The following RAD51B variants were observed in gnomAD, a reference collection of about 807,000 sequenced individuals.
The protein encoded by RAD51B is DNA repair protein RAD51 homolog 2.
Under a neutral mutation model 42.2 loss-of-function variants are expected in RAD51B, and 38 were observed. The ratio of observed to expected loss-of-function variants is 0.90; its 90% CI spans 0.70 to 1.18. The LOEUF (loss-of-function observed/expected upper bound fraction) is 1.18, where lower values mean the gene tolerates loss of function less well. RAD51B is among the 50% of genes most tolerant of loss of function. RAD51B has a pLI of 0.00. For missense variants in RAD51B, 373 were observed against 400.7 expected (o/e 0.93, Z 0.59); for synonymous variants, 154 against 145.2 (o/e 1.06, Z -0.43).
chr14:68,393,690 C>T (rs1405613306), intron 8 of RAD51B, among the ~76,000 whole-genome samples: 6 of 152,172 alleles, frequency 3.9e-5, no homozygotes, highest in Non-Finnish European at 8.8e-5. Flanking sequence ...CAGTGCAAAA[C>T]GTGGGGCTTG....
chr14:68,011,711 A>T (rs2075686076), intron 7 of RAD51B, among the ~76,000 whole-genome samples: 1 of 152,012 alleles, frequency 6.6e-6, no homozygotes, highest in Admixed American at 6.6e-5. Context: ...TTTTGTTCTG[A>T]TTAAGAAGTT....
rs1241253350 is a variant in RAD51B, at chr14:68,471,316, C to CA, written c.1036+3067dup. 1.4e-4 allele frequency among the ~76,000 whole-genome samples: 21 copies of CA among 152,320 alleles called. 1 individual carries two copies. In the South Asian group the frequency reaches 4.3e-3, roughly 32 times the overall value. The stretch of plus-strand genomic sequence containing the variant: ...CCCGTGGGGGTAGGGAATGATCCCT[C>CA]AGTGCCTTTTATCCCTTGGCAAGCC... On this transcript the variant is annotated intron_variant, in intron 10 of 10. Transcript: ENST00000471583.
chr14:67,984,502 TC>T (rs772732418), intron 7 of RAD51B, among the ~76,000 whole-genome samples: 6 of 152,234 alleles, frequency 3.9e-5, no homozygotes, highest in Non-Finnish European at 8.8e-5. Context: ...CACTGAGCTG[TC>T]CTTTAATCCT....
Position 68,565,450 on chromosome 14 carries a change from C to A in RAD51B, c.1037-29035C>A, listed in dbSNP as rs1170692270. Among the ~76,000 whole-genome samples, 1 of 152,074 alleles carries A rather than the reference C, an allele frequency of 6.6e-6. No homozygotes were observed. The highest frequency in any genetic ancestry group is 2.4e-5 in the African/African-American group (1 of 41,402). Reference sequence around the variant, plus strand: ...AAGCCTTTCTGTTTGGAGTTTTGCACAGCCCTTTAAGAGGAGACTTCAGAG... The same window carrying A: ...AAGCCTTTCTGTTTGGAGTTTTGCAAAGCCCTTTAAGAGGAGACTTCAGAG... On this transcript the variant is annotated intron_variant, in intron 10 of 10. Coordinates refer to the RAD51B transcript ENST00000487270. The surrounding 1 kb of genome is among the most constrained non-coding windows in gnomAD (Gnocchi z 4.1).
intron 10 of RAD51B, among the ~76,000 whole-genome samples, chr14:68,587,024 C>CAA (rs112951347): frequency 1.2e-4 from 17 of 140,516 alleles, no homozygotes; most frequent in East Asian, 4.2e-4. Context: ...AACTCTGTCT[C>CAA]AAAAAAAAAA....
intron 7 of RAD51B, among the ~76,000 whole-genome samples, chr14:68,239,391 G>A (rs2080335319): frequency 6.6e-6 from 1 of 152,130 alleles, no homozygotes; most frequent in South Asian, 2.1e-4. Context: ...CCTGCTTTCT[G>A]CCTGACATGG....
chr14:68,094,319 C>T (rs985753959), intron 7 of RAD51B, among the ~76,000 whole-genome samples: 9 of 152,152 alleles, frequency 5.9e-5, no homozygotes, highest in Non-Finnish European at 1.2e-4. Flanking sequence ...ATCTTGTGGT[C>T]ACCTTTGGTT....
intron 7 of RAD51B, among the ~76,000 whole-genome samples, chr14:68,079,752 C>T (rs528420078): frequency 2.1e-4 from 32 of 152,290 alleles, no homozygotes; most frequent in African/African-American, 7.2e-4. Flanking sequence ...GGATATTAGA[C>T]TACATATGTG....
intron 7 of RAD51B, among the ~76,000 whole-genome samples, chr14:68,183,233 C>T (rs1213400885): frequency 3.3e-5 from 5 of 152,184 alleles, no homozygotes; most frequent in African/African-American, 4.8e-5. Context: ...GGGAAACCAA[C>T]AGTGCAGCTT....
intron 8 of RAD51B, among the ~76,000 whole-genome samples, chr14:68,294,469 A>T (rs1053670729): frequency 5.9e-5 from 9 of 152,254 alleles, no homozygotes; most frequent in Non-Finnish European, 1.2e-4. Context: ...ACACACAGAC[A>T]TGCACACGCA....
intron 10 of RAD51B, among the ~76,000 whole-genome samples, chr14:68,504,658 CTTTCTTTTTT>C (rs1885161136): frequency 5.2e-5 from 4 of 77,636 alleles, no homozygotes; most frequent in African/African-American, 2.0e-4. Context: ...CTTTTTTTTT[CTTTCTTTTTT>C]TTTTTTTTTT....
intron 10 of RAD51B, among the ~76,000 whole-genome samples, chr14:68,648,018 T>TATATATATATATATAC (rs1255738507): frequency 2.2e-5 from 2 of 91,218 alleles, no homozygotes; most frequent in African/African-American, 8.9e-5. Flanking sequence ...TATATATATA[T>TATATATATATATATAC]ATACGTATAT....
intron 7 of RAD51B, among the ~76,000 whole-genome samples, chr14:67,966,278 T>C (rs1291078135): frequency 6.6e-6 from 1 of 152,162 alleles, no homozygotes; most frequent in African/African-American, 2.4e-5. Context: ...CCAGAGATGA[T>C]GGGTTTAAGG....
Position 67,885,919 on chromosome 14 carries a change from A to G in RAD51B, c.503A>G (p.Glu168Gly), listed in dbSNP as rs368882812. The change falls in exon 6 of 11, where the codon GAA becomes GGA. Residue 168 changes from glutamate (E) to glycine (G), a missense_variant. Glu to Gly is a moderately conservative substitution (Grantham distance 98). Coordinates refer to ENST00000471583, the MANE Select transcript of RAD51B (RefSeq NM_133510.4). ...SRFPRYFNTE[E>G]KLLLTSSKVH... ...TTTCCCAGATATTTTAACACTGAAG[A>G]AAAGTTACTTTTGACAAGTAGTAAA... 2 of 1,607,724 alleles carry G rather than the reference A, an allele frequency of 1.2e-6. No homozygotes were observed. The highest frequency in any genetic ancestry group is 1.7e-5 in the Admixed American group (1 of 59,940).
intron 10 of RAD51B, among the ~76,000 whole-genome samples, chr14:68,618,922 T>C (rs1267414323): frequency 6.6e-6 from 1 of 152,180 alleles, no homozygotes; most frequent in African/African-American, 2.4e-5. Flanking sequence ...CCCAAGTCTT[T>C]TCCTCTAGGT....
chr14:68,648,095 ATATATATATACACACACG>A (rs1296924033), intron 10 of RAD51B, among the ~76,000 whole-genome samples: 17 of 29,012 alleles, frequency 5.9e-4, no homozygotes, highest in African/African-American at 2.0e-3. Context: ...ACGTGTGTGT[ATATATATATACACACACG>A]TATATATATA....
At chr14:68,324,040 C>T (rs925176387) in intron 8 of RAD51B, among the ~76,000 whole-genome samples, 3 of 152,288 alleles carry the variant, frequency 2.0e-5, no homozygotes, top group South Asian at 2.1e-4. Context: ...AAGACAGGTA[C>T]CTCCAATCTC....
intron 10 of RAD51B, among the ~76,000 whole-genome samples, chr14:68,471,292 C>G (rs189996188): frequency 7.2e-5 from 11 of 152,258 alleles, no homozygotes; most frequent in African/African-American, 2.6e-4. Flanking sequence ...CACCAGCTAC[C>G]CGTGGGGGTA....
intron 8 of RAD51B, among the ~76,000 whole-genome samples, chr14:68,379,853 A>G (rs1273909904): frequency 1.3e-5 from 2 of 152,248 alleles, no homozygotes; most frequent in African/African-American, 4.8e-5. Context: ...TGGTGAAGTT[A>G]GCAGGGTGAA....
Sources: gnomAD v4.1 joint callset for allele counts (sites outside exome capture counted in the v4.1 genomes callset) on GRCh38, gnomAD v4.1.1 for gene constraint, Gnocchi (gnomAD v3.1) non-coding constraint, MANE v1.5 for transcripts, NCBI Gene and HGNC (gene_info 2026-07-23, HGNC 2026-07-21) for gene names.